The following SEMA4D variants were observed in gnomAD, a reference collection of about 807,000 sequenced individuals.
SEMA4D encodes the protein semaphorin-4D.
SEMA4D carries 22 observed loss-of-function variants against 74.8 expected under a neutral mutation model. That is an observed-to-expected ratio of 0.29 (90% CI 0.21 to 0.42). The LOEUF (loss-of-function observed/expected upper bound fraction) is 0.42. SEMA4D is among the 10% of genes least tolerant of loss of function. The pLI, the probability that SEMA4D is intolerant of heterozygous loss-of-function variation, is 1.00. For synonymous variants in SEMA4D, 445 were observed against 463.7 expected, an observed-to-expected ratio of 0.96 and a Z score of 0.52; for missense variants, 937 against 1,118.4, an observed-to-expected ratio of 0.84 and a Z score of 2.31.
chr9:89,372,337 T>TG (rs1193164172), downstream of SEMA4D, among the ~76,000 whole-genome samples: 1 of 55,110 alleles, frequency 1.8e-5, no homozygotes, highest in Non-Finnish European at 3.3e-5. Flanking sequence ...GAGGTGTGTG[T>TG]GGGGGGGTGT....
rs200127158 is a variant in SEMA4D at position 89,379,234 on chromosome 9, C to A, written c.2059G>T (p.Val687Leu). ...ATGGCCCCGGAGGAGGTGGCCTGCA[C>A]GGCTGGGGTTGGGGGAGAAGACCCT... ...TQGSSPPTPAVQATSSGAITL... is the reference protein window; with the variant it reads ...TQGSSPPTPALQATSSGAITL... Residue 687 changes from valine (V) to leucine (L), a missense_variant, in exon 16 of 16, where the codon GTG becomes TTG. Transcript: ENST00000422704. 15 of 1,613,886 alleles carry A rather than the reference C, an allele frequency of 9.3e-6. No individual in the cohort carries two copies. In the African/African-American group the frequency reaches 1.7e-4, roughly 19 times the overall value.
In SEMA4D at chr9:89,368,338, T is replaced by TG. The variant is rs1258220812; in HGVS notation, c.1883-4389dup. On this transcript the variant is annotated intron_variant, in intron 16 of 18. Transcript: ENST00000339861. The stretch of plus-strand genomic sequence containing the variant: ...CATGATGGGACTCCTGGCTTGTCCC[T>TG]GCCTGTACCCGCTGCCCGGGCCTCA... 5.2e-5 allele frequency: 8 copies of TG among 152,880 alleles called. No individual in the cohort carries two copies. The East Asian group carries it at 1.5e-3, about 29-fold the overall frequency. 9.5% of individuals were successfully genotyped at this position (152,880 alleles called of 1,614,324 possible). A position where few individuals can be genotyped will look rare whatever the true frequency, so the allele number is the denominator to read the frequency against.
chr9:89,392,317 C>T, intron 8 of SEMA4D, 106 bp downstream of exon 8: 1 of 805,244 alleles, frequency 1.2e-6, no homozygotes, highest in Non-Finnish European at 2.1e-6. Flanking sequence ...GGGGCTAACA[C>T]AAGCTCGGGG....
chr9:89,427,565 C>T (rs1848359740), intron 2 of SEMA4D, among the ~76,000 whole-genome samples: 1 of 152,236 alleles, frequency 6.6e-6, no homozygotes, highest in East Asian at 1.9e-4. Context: ...ACAGATCTCA[C>T]TCACGTTTCC....
At chr9:89,490,927 G>C (rs990246890) in intron 1 of SEMA4D, among the ~76,000 whole-genome samples, 2 of 152,176 alleles carry the variant, frequency 1.3e-5, no homozygotes, top group Non-Finnish European at 2.9e-5. Context: ...TAGCATAAAA[G>C]CAGCCACAGA....
intron 7 of SEMA4D, among the ~76,000 whole-genome samples, chr9:89,392,810 C>A (rs1358653376): frequency 6.6e-6 from 1 of 152,172 alleles, no homozygotes; most frequent in African/African-American, 2.4e-5. Flanking sequence ...TCACTGCCAC[C>A]TCCACCTCCC....
chr9:89,440,413 C>G (rs1851440751), intron 2 of SEMA4D, among the ~76,000 whole-genome samples: 1 of 152,292 alleles, frequency 6.6e-6, no homozygotes, highest in Middle Eastern at 3.4e-3. Flanking sequence ...CTCTTTGCTG[C>G]CTTTTGCTTA....
At chr9:89,434,319 A>C (rs1180613909) in intron 2 of SEMA4D, among the ~76,000 whole-genome samples, 1 of 152,218 alleles carries the variant, frequency 6.6e-6, no homozygotes, top group African/African-American at 2.4e-5. Context: ...CTAGAAGGGA[A>C]GACAGAACAA....
At chr9:89,425,201 C>G (rs1165481076) in intron 2 of SEMA4D, among the ~76,000 whole-genome samples, 2 of 152,154 alleles carry the variant, frequency 1.3e-5, no homozygotes, top group African/African-American at 4.8e-5. Context: ...CCCAGTGTTA[C>G]CCAGGCCTTG....
intron 2 of SEMA4D, among the ~76,000 whole-genome samples, chr9:89,421,151 CTG>C (rs1339499580): frequency 6.6e-6 from 1 of 152,224 alleles, no homozygotes; most frequent in East Asian, 1.9e-4. Context: ...CTTAGGAACA[CTG>C]TGACAGGCAG....
chr9:89,459,524 C>T (rs979830457), intron 1 of SEMA4D, among the ~76,000 whole-genome samples: 1 of 152,202 alleles, frequency 6.6e-6, no homozygotes, highest in Non-Finnish European at 1.5e-5. Context: ...AAACAGCCTA[C>T]AAGGGTGTTG....
intron 2 of SEMA4D, among the ~76,000 whole-genome samples, chr9:89,410,381 A>C (rs1275331965): frequency 6.6e-6 from 1 of 152,254 alleles, no homozygotes; most frequent in Non-Finnish European, 1.5e-5. Context: ...GTTTACCACC[A>C]ACCCTGTCAC....
Position 89,428,280 on chromosome 9 carries a change from T to C in SEMA4D, c.-243-22581A>G, listed in dbSNP as rs543180294. On this transcript the variant is annotated intron_variant, in intron 2 of 15. Transcript: ENST00000422704. ...TCCAGGCGGCCCCCGCCATGGCCCA[T>C]GCAGCTTCCTTCTGGGCCTCACATT... Among the ~76,000 whole-genome samples the C allele has an allele frequency of 3.9e-5, 6 of 152,346 alleles. No individual in the cohort carries two copies. The South Asian group carries it at 1.2e-3, about 32-fold the overall frequency.
chr9:89,387,554 C>G lies in SEMA4D; in HGVS notation c.1162G>C (p.Asp388His). ...ANYTSSLNLP[D>H]KTLQFVKDHP... ...TCTTTAACGAACTGCAGCGTCTTGTCTGGCAAATTCAAGGAGCTGGTGTAG... is the reference window on the plus strand; with the variant it reads ...TCTTTAACGAACTGCAGCGTCTTGTGTGGCAAATTCAAGGAGCTGGTGTAG... Residue 388 changes from aspartate (D) to histidine (H), a missense_variant, in exon 12 of 16, where the codon GAC (aspartate) becomes CAC (histidine). Coordinates refer to ENST00000422704, the MANE Select transcript of SEMA4D (RefSeq NM_001371194.2). 1 of 1,614,242 alleles carries G rather than the reference C, an allele frequency of 6.2e-7. No individual in the cohort carries two copies. Among genetic ancestry groups the G allele is most frequent in the Non-Finnish European group, 8.5e-7 (1 of 1,180,052 alleles).
chr9:89,414,296 C>G lies in SEMA4D; in HGVS notation c.-243-8597G>C, dbSNP rs566775438. 1.2e-4 allele frequency among the ~76,000 whole-genome samples: 18 copies of G among 152,324 alleles called. No homozygotes were observed. The South Asian group carries it at 3.5e-3, about 30-fold the overall frequency. ...CCTGGACCCCTGACCTCACTGCATG[C>G]AAACTACTGCCTGGGGGAGCGTGTT... is the stretch of plus-strand genomic sequence containing the variant. On this transcript the variant is annotated intron_variant, in intron 2 of 15. Coordinates refer to ENST00000422704, the MANE Select transcript of SEMA4D (RefSeq NM_001371194.2).
intron 2 of SEMA4D, among the ~76,000 whole-genome samples, chr9:89,414,739 A>C (rs1845331912): frequency 6.6e-6 from 1 of 151,968 alleles, no homozygotes; most frequent in Admixed American, 6.6e-5. Context: ...GGAGACCAAC[A>C]CTCCAGCTCT....
At chr9:89,363,497 T>G (rs747995521) in exon 18 of SEMA4D, 5 of 1,614,078 alleles carry the variant, frequency 3.1e-6, no homozygotes, top group East Asian at 2.2e-5. Flanking sequence ...GGCAGAGAGC[T>G]CTCTGGTCCA....
rs140593835 is a variant in SEMA4D, at chr9:89,443,560, G to A, written c.-244+12328C>T. Among the ~76,000 whole-genome samples, 9 of 152,368 alleles carry A rather than the reference G, an allele frequency of 5.9e-5. No homozygotes were observed. In the East Asian group the frequency reaches 1.3e-3, roughly 23 times the overall value. On this transcript the variant is annotated intron_variant, in intron 2 of 15. Transcript: ENST00000422704. ...GAAGCAGGTCCGGCCAGCAGCAGCC[G>A]CCAGAGGAGGATCTGCCTGGGGTAG...
chr9:89,364,447 T>G, intron 16 of SEMA4D: 1 of 214,948 alleles, frequency 4.7e-6, no homozygotes, highest in Non-Finnish European at 9.6e-6. Context: ...GGCCTGTCTC[T>G]CCAATTGAGA....
Sources: allele counts gnomAD v4.1 joint callset (sites outside exome capture counted in the v4.1 genomes callset), GRCh38; gene constraint gnomAD v4.1.1; transcripts MANE v1.5; gene names NCBI Gene and HGNC (gene_info 2026-07-23, HGNC 2026-07-21).